Variants in TBC1D22A observed in about 807,000 individuals in gnomAD.
TBC1D22A encodes the protein TBC1 domain family member 22A, also known as putative GTPase activator.
Under a neutral mutation model 60.2 loss-of-function variants are expected in TBC1D22A, and 38 were observed. The ratio of observed to expected loss-of-function variants is 0.63; its 90% CI spans 0.49 to 0.83. The LOEUF (loss-of-function observed/expected upper bound fraction) is 0.83, where lower values mean the gene tolerates loss of function less well. TBC1D22A is among the 40% of genes least tolerant of loss of function. TBC1D22A has a pLI of 0.00. For synonymous variants in TBC1D22A, 302 were observed against 281.7 expected (o/e 1.07, Z -0.72); for missense variants, 628 against 701.0 (o/e 0.90, Z 1.18).
chr22:47,110,881 G>C (rs902712976), intron 11 of TBC1D22A, among the ~76,000 whole-genome samples: 8 of 152,190 alleles, frequency 5.3e-5, no homozygotes, highest in Admixed American at 2.6e-4. Flanking sequence ...CTGGGTTTCC[G>C]GGATGAGTAA....
At chr22:46,857,345 C>T (rs940894556) in intron 4 of TBC1D22A, among the ~76,000 whole-genome samples, 2 of 152,224 alleles carry the variant, frequency 1.3e-5, no homozygotes, top group Admixed American at 1.3e-4. Context: ...CTCCTCAGCC[C>T]TGACCCAAAA....
At chr22:46,891,672 G>C (rs879728164) in intron 6 of TBC1D22A, among the ~76,000 whole-genome samples, 4 of 152,194 alleles carry the variant, frequency 2.6e-5, no homozygotes, top group Admixed American at 2.6e-4. Flanking sequence ...TTGGATTCCT[G>C]AGACCGGCCT....
intron 3 of TBC1D22A, among the ~76,000 whole-genome samples, chr22:46,794,732 G>A (rs2084577008): frequency 6.6e-6 from 1 of 152,296 alleles, no homozygotes; most frequent in Non-Finnish European, 1.5e-5. Context: ...GGAACGCGGT[G>A]GCCCTGAGAG....
At chr22:47,000,538 G>C (rs572511251) in intron 10 of TBC1D22A, among the ~76,000 whole-genome samples, 46 of 152,224 alleles carry the variant, frequency 3.0e-4, no homozygotes, top group African/African-American at 9.4e-4. Context: ...TGGAAGCCGC[G>C]TGGAAAGGAG....
chr22:46,851,345 C>G (rs1417520967), intron 4 of TBC1D22A, among the ~76,000 whole-genome samples: 3 of 152,198 alleles, frequency 2.0e-5, no homozygotes, highest in Non-Finnish European at 2.9e-5. Flanking sequence ...CAAACCCGGG[C>G]TGGGGCAGGC....
intron 1 of TBC1D22A, among the ~76,000 whole-genome samples, chr22:46,771,069 A>G (rs777194789): frequency 6.6e-6 from 1 of 152,240 alleles, no homozygotes; most frequent in Non-Finnish European, 1.5e-5. Flanking sequence ...CACTTTGAAA[A>G]ATAAATTGAA....
chr22:46,936,514 C>T (rs534289244), intron 8 of TBC1D22A, among the ~76,000 whole-genome samples: 202 of 152,382 alleles, frequency 1.3e-3, no homozygotes, highest in African/African-American at 4.6e-3. Flanking sequence ...GGGCCAGGGC[C>T]GGCATTCCCA....
intron 12 of TBC1D22A, among the ~76,000 whole-genome samples, chr22:47,147,934 T>G (rs1175218480): frequency 6.6e-6 from 1 of 152,172 alleles, no homozygotes; most frequent in Non-Finnish European, 1.5e-5. Flanking sequence ...TGGGACCCTC[T>G]AGTCTGTGAG....
chr22:46,880,451 A>G (rs1392029393), intron 5 of TBC1D22A, among the ~76,000 whole-genome samples: 1 of 152,168 alleles, frequency 6.6e-6, no homozygotes, highest in Non-Finnish European at 1.5e-5. Context: ...TTCCTTCACA[A>G]GAGAAAGCCT....
intron 12 of TBC1D22A, among the ~76,000 whole-genome samples, chr22:47,169,206 C>G (rs898761736): frequency 6.6e-6 from 1 of 152,180 alleles, no homozygotes; most frequent in Non-Finnish European, 1.5e-5. Flanking sequence ...AGTCAGGGCT[C>G]CACTTCTGCC....
Position 46,915,409 on chromosome 22 carries a change from A to G in TBC1D22A, c.1015+3221A>G, listed in dbSNP as rs770876742. 31 of 456,426 alleles carry G rather than the reference A, an allele frequency of 6.8e-5. 1 individual carries two copies. The highest frequency in any genetic ancestry group is 4.8e-4 in the South Asian group (31 of 64,570). The allele number at this position is 456,426 out of a possible 1,614,324, so 28.3% of individuals were successfully genotyped here. A position where few individuals can be genotyped will look rare whatever the true frequency, so the allele number is the denominator to read the frequency against. ...TTCCTTCAGAGAACAGAGCCTGGTA[A>G]TGGGATTCTGTGGTTTCGACACCTG... On this transcript the variant is annotated intron_variant, in intron 8 of 12. Transcript: ENST00000337137.
Position 47,033,323 on chromosome 22 carries a change from G to A in TBC1D22A, c.1202-3748G>A, listed in dbSNP as rs1019873009. ...ATTCTGTAAGTTCTTTGAAAAGAAC[G>A]TCATGTTCTAGGGTGTGGCTGGAAA... On this transcript the variant is annotated intron_variant, in intron 10 of 12. Transcript: ENST00000337137. Among the ~76,000 whole-genome samples, 9 of 152,204 alleles carry A rather than the reference G, an allele frequency of 5.9e-5. 1 individual carries two copies. The highest frequency in any genetic ancestry group is 4.1e-4 in the South Asian group (2 of 4,832).
intron 4 of TBC1D22A, among the ~76,000 whole-genome samples, chr22:46,826,612 G>A (rs1248362665): frequency 3.9e-5 from 6 of 152,178 alleles, no homozygotes; most frequent in Non-Finnish European, 8.8e-5. Context: ...GGATGCAGGT[G>A]GAGCTTGGGC....
intron 1 of TBC1D22A, among the ~76,000 whole-genome samples, chr22:46,771,132 A>T (rs1329963214): frequency 1.3e-5 from 2 of 151,830 alleles, no homozygotes; most frequent in South Asian, 2.1e-4. Context: ...GTAAATCTGG[A>T]CTCTGGGTTA....
intron 11 of TBC1D22A, among the ~76,000 whole-genome samples, chr22:47,079,570 G>A (rs936789911): frequency 6.6e-6 from 1 of 152,178 alleles, no homozygotes; most frequent in Non-Finnish European, 1.5e-5. Context: ...AGTAACTGAA[G>A]ATAAATTCAG....
chr22:46,808,693 C>T (rs969319592), intron 4 of TBC1D22A, among the ~76,000 whole-genome samples: 3 of 152,074 alleles, frequency 2.0e-5, no homozygotes, highest in Admixed American at 6.5e-5. Context: ...CTCCTGAGTT[C>T]ACGCCATTCT....
intron 4 of TBC1D22A, among the ~76,000 whole-genome samples, chr22:46,826,167 C>T (rs1050034825): frequency 3.9e-5 from 6 of 152,182 alleles, no homozygotes; most frequent in Admixed American, 3.3e-4. Context: ...AGGCGTGAGC[C>T]ACCACACCCA....
At chr22:46,809,469 C>T (rs761274322) in intron 4 of TBC1D22A, among the ~76,000 whole-genome samples, 11 of 152,142 alleles carry the variant, frequency 7.2e-5, no homozygotes, top group Non-Finnish European at 1.3e-4. Context: ...AGTTCAGTCT[C>T]GAATAGTTAG....
At chr22:46,813,790 G>T (rs2085479608) in intron 4 of TBC1D22A, among the ~76,000 whole-genome samples, 1 of 152,234 alleles carries the variant, frequency 6.6e-6, no homozygotes, top group Non-Finnish European at 1.5e-5. Context: ...TATCCTGTCT[G>T]TGCTGGGCCC....
Sources: gnomAD v4.1 joint callset for allele counts (sites outside exome capture counted in the v4.1 genomes callset) on GRCh38, gnomAD v4.1.1 for gene constraint, MANE v1.5 for transcripts, NCBI Gene and HGNC (gene_info 2026-07-23, HGNC 2026-07-21) for gene names.